The following ZNF235 variants were observed in gnomAD, a reference collection of about 807,000 sequenced individuals.
The protein encoded by ZNF235 is zfp-93.
In ZNF235, 25 loss-of-function variants were observed where a neutral mutation model predicts 29.4. The ratio of observed to expected loss-of-function variants is 0.85; its 90% CI spans 0.62 to 1.19. The LOEUF is 1.19. Among genes scored for constraint, ZNF235 ranks in the 50% most tolerant of loss-of-function variants. The pLI is 0.00. For missense variants in ZNF235, 788 were observed against 885.0 expected, an observed-to-expected ratio of 0.89 and a Z score of 1.39; for synonymous variants, 300 against 295.3, an observed-to-expected ratio of 1.02 and a Z score of -0.16.
rs527738682 is a variant in ZNF235 at position 44,301,015 on chromosome 19, T to A, written c.16-1283A>T. Among the ~76,000 whole-genome samples the A allele has an allele frequency of 2.6e-3, 393 of 152,218 alleles. 4 individuals are homozygous for A. The highest frequency in any genetic ancestry group is 0.01 in the Middle Eastern group (3 of 294). On this transcript the variant is annotated intron_variant, in intron 2 of 4. Transcript: ENST00000291182. Reference sequence around the variant, plus strand: ...GGCCAAAACTGGACATTTTTTTTTTTAAATCTTGAGTAATTTGGTGAGTGA... The same window carrying A: ...GGCCAAAACTGGACATTTTTTTTTTAAAATCTTGAGTAATTTGGTGAGTGA...
chr19:44,294,442 CA>C, intron 4 of ZNF235, among the ~76,000 whole-genome samples: 1 of 151,982 alleles, frequency 6.6e-6, no homozygotes, highest in African/African-American at 2.4e-5. Context: ...CTCCCAAGAA[CA>C]AAAAAGCCCA....
Position 44,288,157 on chromosome 19 carries a change from A to C in ZNF235, c.1278T>G (p.Thr426=). The C allele has an allele frequency of 1.2e-6, 2 of 1,613,894 alleles. No individual in the cohort carries two copies. The highest frequency in any genetic ancestry group is 1.7e-6 in the Non-Finnish European group (2 of 1,179,952). The part of the protein sequence containing the change: ...SHLQAHERIH[T]GEKPYKCGDC... ...CCCCACATTTATATGGTTTCTCTCC[A>C]GTGTGAATTCTTTCATGGGCCTGAA... Residue 426 remains threonine, a synonymous_variant, in exon 5 of 5, where the codon ACT becomes ACG. Transcript: ENST00000291182.
chr19:44,299,881 G>T, intron 2 of ZNF235, 149 bp from the exon 3 acceptor site: 1 of 1,192,354 alleles, frequency 8.4e-7, no homozygotes, highest in Non-Finnish European at 1.2e-6. Context: ...TACATGTAAC[G>T]TGGTGCCCTT....
At chr19:44,298,952 G>A in intron 3 of ZNF235, 49 bp from the exon 4 acceptor site, 1 of 1,432,238 alleles carries the variant, frequency 7.0e-7, no homozygotes. Flanking sequence ...AAAGAGTACT[G>A]AAAAAATCTG....
chr19:44,287,235 T>C lies in ZNF235; in HGVS notation c.2200A>G (p.Thr734Ala). 1 of 1,604,834 alleles carries C rather than the reference T, an allele frequency of 6.2e-7. No homozygotes were observed. Residue 734 changes from threonine to alanine, a missense_variant, in exon 5 of 5, where the codon ACT becomes GCT. Transcript: ENST00000291182. ...TCTCATTTCTACAGATTCCCTCCAG[T>C]GTGGACTCTCTGATGGTAGATGAGA... ...SHLIYHQRVHTGGNL is the reference protein window; with the variant it reads ...SHLIYHQRVHAGGNL
intron 4 of ZNF235, among the ~76,000 whole-genome samples, chr19:44,293,247 C>G (rs1975608931): frequency 6.6e-6 from 1 of 151,970 alleles, no homozygotes; most frequent in Admixed American, 6.6e-5. Context: ...AAAAGATATT[C>G]CATGCAAATG....
chr19:44,292,640 G>A (rs1025871484), intron 4 of ZNF235, among the ~76,000 whole-genome samples: 1 of 151,796 alleles, frequency 6.6e-6, no homozygotes, highest in African/African-American at 2.4e-5. Flanking sequence ...ATTCCTGAGG[G>A]AGAAGAAAAA....
At chr19:44,297,402 A>G (rs1342866037) in intron 4 of ZNF235, 1 of 154,210 alleles carries the variant, frequency 6.5e-6, no homozygotes, top group Non-Finnish European at 1.5e-5. Flanking sequence ...AGTGGCTCCC[A>G]ATAAAAATGT....
In ZNF235 at chr19:44,287,097, T is replaced by C. The variant is rs1298167517; in HGVS notation, c.*121A>G. On this transcript the variant is annotated 3_prime_UTR_variant, in exon 5 of 5. Transcript: ENST00000291182. ...AAACACAGCATTTGAGAGACTTCTT[T>C]CCTGTCAAGATTCTTTGAAGCTTCT... 1.1e-5 allele frequency: 11 copies of C among 1,037,988 alleles called. No individual in the cohort carries two copies. In the African/African-American group the frequency reaches 1.6e-4, roughly 15 times the overall value. 64.3% of individuals were successfully genotyped at this position (1,037,988 alleles called of 1,614,324 possible).
Position 44,299,726 on chromosome 19 carries a change from C to A in ZNF235, c.22G>T (p.Val8Leu). ...GCCACAGCCACATCCTTGAATGTCA[C>A]TGCCTCCTAGAACATCAAGCACATG... MTKFQEA[V>L]TFKDVAVAFT... Residue 8 changes from valine (V) to leucine (L), a missense_variant, in exon 3 of 5, where the codon GTG (valine) becomes TTG (leucine). Coordinates refer to ENST00000291182, the MANE Select transcript of ZNF235 (RefSeq NM_004234.4). 3.1e-6 allele frequency: 5 copies of A among 1,614,048 alleles called. No individual in the cohort carries two copies. Among genetic ancestry groups the A allele is most frequent in the Non-Finnish European group, 4.2e-6 (5 of 1,179,958 alleles).
chr19:44,292,944 A>G (rs1025545651), intron 4 of ZNF235, among the ~76,000 whole-genome samples: 7 of 152,080 alleles, frequency 4.6e-5, no homozygotes, highest in Non-Finnish European at 2.9e-5. Flanking sequence ...GTTGCTTCAA[A>G]AAACAAAAAA....
In ZNF235 at chr19:44,288,218, T is replaced by C; in HGVS notation, c.1217A>G (p.Glu406Gly). 6.2e-7 allele frequency: 1 copy of C among 1,614,134 alleles called. No individual in the cohort carries two copies. Among genetic ancestry groups the C allele is most frequent in the East Asian group, 2.2e-5 (1 of 44,874 alleles). Residue 406 changes from glutamate (E) to glycine (G), a missense_variant, in exon 5 of 5, where the codon GAG becomes GGG. By Grantham distance (98) the Glu-to-Gly change is moderately conservative (BLOSUM62 -2). Transcript: ENST00000291182. ...CTGAGTGAAGCCCTTCCCACACACC[T>C]CACATTTATAAGGTTTCTCTCCAGT... is the stretch of plus-strand genomic sequence containing the variant. ...VHTGEKPYKC[E>G]VCGKGFTQRS... is the part of the protein sequence containing the mutation.
intron 2 of ZNF235, among the ~76,000 whole-genome samples, chr19:44,302,882 TTATA>T (rs1408669267): frequency 1.2e-5 from 1 of 85,928 alleles, no homozygotes; most frequent in Admixed American, 1.4e-4. Context: ...TTGTATGTGT[TTATA>T]TATACATATT....
chr19:44,303,530 G>T, intron 1 of ZNF235, 78 bp from the exon 2 acceptor site: 1 of 1,328,738 alleles, frequency 7.5e-7, no homozygotes, highest in African/African-American at 1.5e-5. Flanking sequence ...ACACTTCAGA[G>T]AAAGGTCCCC....
chr19:44,302,778 A>G (rs1256229190), intron 2 of ZNF235, among the ~76,000 whole-genome samples: 2 of 146,136 alleles, frequency 1.4e-5, no homozygotes, highest in Non-Finnish European at 3.0e-5. Context: ...ATATATATAT[A>G]TATATAAAAC....
intron 4 of ZNF235, among the ~76,000 whole-genome samples, chr19:44,298,067 C>T (rs567117553): frequency 6.6e-5 from 10 of 151,954 alleles, no homozygotes; most frequent in Admixed American, 2.0e-4. Context: ...TGCAGTGAGC[C>T]GAGACTGTGT....
In ZNF235 at chr19:44,288,694, C is replaced by T. The variant is rs1975538253; in HGVS notation, c.741G>A (p.Lys247=). The T allele has an allele frequency of 6.2e-7, 1 of 1,613,978 alleles. No individual in the cohort carries two copies. Among genetic ancestry groups the T allele is most frequent in the Non-Finnish European group, 8.5e-7 (1 of 1,180,010 alleles). Residue 247 remains lysine (K), a synonymous_variant, in exon 5 of 5, where the codon AAG becomes AAA. Coordinates refer to ENST00000291182, the MANE Select transcript of ZNF235 (RefSeq NM_004234.4). The part of the protein sequence containing the change: ...SNSDCGKDTL[K]VSPLTQRSIH... The stretch of plus-strand genomic sequence containing the variant: ...TACTACGCTGGGTAAGAGGTGATAC[C>T]TTTAGGGTATCTTTACCACAATCAC...
intron 2 of ZNF235, 152 bp downstream of exon 2, chr19:44,303,238 C>T: frequency 2.2e-6 from 1 of 451,712 alleles, no homozygotes; most frequent in Non-Finnish European, 4.1e-6. Flanking sequence ...AATTTTTATA[C>T]TATTATATTG....
chr19:44,293,249 A>G (rs1311492832), intron 4 of ZNF235, among the ~76,000 whole-genome samples: 1 of 152,182 alleles, frequency 6.6e-6, no homozygotes, highest in African/African-American at 2.4e-5. Context: ...AAGATATTCC[A>G]TGCAAATGGA....
Sources: gnomAD v4.1 joint callset for allele counts (sites outside exome capture counted in the v4.1 genomes callset) on GRCh38, gnomAD v4.1.1 for gene constraint, MANE v1.5 for transcripts, NCBI Gene and HGNC (gene_info 2026-07-23, HGNC 2026-07-21) for gene names.